LPAR1: variants seen among roughly 807,000 people sequenced by gnomAD.
LPAR1 encodes LPA receptor 1.
A neutral mutation model predicts 23.8 loss-of-function variants in LPAR1; 5 were observed. The ratio of observed to expected loss-of-function variants is 0.21; its 90% CI spans 0.11 to 0.44. LPAR1 has a LOEUF of 0.44. LPAR1 is among the 20% of genes least tolerant of loss of function. The pLI, the probability that LPAR1 is intolerant of heterozygous loss-of-function variation, is 0.99. For synonymous variants in LPAR1, 160 were observed against 164.7 expected (o/e 0.97, Z 0.22); for missense variants, 311 against 482.8 (o/e 0.64, Z 3.33).
intron 2 of LPAR1, among the ~76,000 whole-genome samples, chr9:110,990,977 T>C (rs2096882400): frequency 6.6e-6 from 1 of 152,116 alleles, no homozygotes; most frequent in Admixed American, 6.5e-5. Flanking sequence ...AAATATGAAG[T>C]CACAATTTTA....
chr9:110,957,350 A>ATAAT (rs55733243), intron 4 of LPAR1, among the ~76,000 whole-genome samples: 13,808 of 147,610 alleles, frequency 0.094, 850 homozygotes, highest in Admixed American at 0.16. Flanking sequence ...AAAAAAAAAA[A>ATAAT]AATAATAATA....
chr9:110,977,025 C>T lies in LPAR1; in HGVS notation c.-181-3467G>A, dbSNP rs1037448895. On this transcript the variant is annotated intron_variant, in intron 2 of 5. Transcript: ENST00000683809. ...GAATATCCTGAATCAGCCCTGGAAA[C>T]TATAAATAGATCTTAAACGTTCAGA... 1.1e-4 allele frequency among the ~76,000 whole-genome samples: 13 copies of T among 119,674 alleles called. 1 individual carries two copies. The highest frequency in any genetic ancestry group is 3.1e-4 in the African/African-American group (12 of 39,096). 78.5% of individuals were successfully genotyped at this position (119,674 alleles called of 152,430 possible).
At chr9:110,932,889 G>C (rs1477566473) in intron 5 of LPAR1, among the ~76,000 whole-genome samples, 3 of 152,174 alleles carry the variant, frequency 2.0e-5, no homozygotes, top group African/African-American at 7.2e-5. Context: ...AAAAGGTTGG[G>C]GACCACTGCC....
At chr9:110,916,072 T>C (rs1208381666) in intron 5 of LPAR1, among the ~76,000 whole-genome samples, 2 of 152,238 alleles carry the variant, frequency 1.3e-5, no homozygotes, top group African/African-American at 4.8e-5. Flanking sequence ...ATCAATTATA[T>C]AATACTACTA....
chr9:110,892,399 C>T (rs969220770), intron 5 of LPAR1, among the ~76,000 whole-genome samples: 1 of 152,134 alleles, frequency 6.6e-6, no homozygotes, highest in African/African-American at 2.4e-5. Context: ...GGCACGGTGG[C>T]TCATGCCTAT....
At chr9:111,009,030 GA>G (rs1430396492) in intron 2 of LPAR1, among the ~76,000 whole-genome samples, 1 of 151,972 alleles carries the variant, frequency 6.6e-6, no homozygotes, top group Non-Finnish European at 1.5e-5. Context: ...AGTCGAAGCA[GA>G]CTTACAAAGT....
At chr9:110,892,780 G>A (rs2084761732) in intron 5 of LPAR1, among the ~76,000 whole-genome samples, 1 of 51,060 alleles carries the variant, frequency 2.0e-5, no homozygotes, top group African/African-American at 7.6e-5. Context: ...AAGGAAGGAA[G>A]GAAGGAAGGA....
intron 2 of LPAR1, among the ~76,000 whole-genome samples, chr9:111,025,766 G>T (rs1402197163): frequency 6.6e-6 from 1 of 152,034 alleles, no homozygotes; most frequent in Non-Finnish European, 1.5e-5. Flanking sequence ...TCTACATATG[G>T]CTAGCCAGTT....
intron 5 of LPAR1, among the ~76,000 whole-genome samples, chr9:110,926,078 G>A (rs1012161928): frequency 3.9e-5 from 6 of 152,122 alleles, no homozygotes; most frequent in Admixed American, 1.3e-4. Context: ...CTGCCACTGC[G>A]CCCGGCTAAT....
At chr9:111,012,986 AGC>A (rs1245988333) in intron 2 of LPAR1, among the ~76,000 whole-genome samples, 7 of 151,016 alleles carry the variant, frequency 4.6e-5, no homozygotes, top group Non-Finnish European at 2.9e-5. Flanking sequence ...GTTAATGTTA[AGC>A]TTTACGTGAT....
chr9:111,023,694 C>G (rs1210231343), intron 2 of LPAR1, among the ~76,000 whole-genome samples: 1 of 152,142 alleles, frequency 6.6e-6, no homozygotes, highest in Non-Finnish European at 1.5e-5. Flanking sequence ...CAGCAACAGA[C>G]TAGATCAGTG....
intron 2 of LPAR1, among the ~76,000 whole-genome samples, chr9:111,022,717 A>T (rs973007241): frequency 6.6e-6 from 1 of 152,182 alleles, no homozygotes; most frequent in African/African-American, 2.4e-5. Flanking sequence ...CATATCGAAC[A>T]CAACTTTGTA....
intron 2 of LPAR1, among the ~76,000 whole-genome samples, chr9:110,988,489 A>T (rs1353817103): frequency 6.6e-6 from 1 of 152,198 alleles, no homozygotes; most frequent in Non-Finnish European, 1.5e-5. Context: ...TAAAATGATT[A>T]AATATCTGAA....
intron 5 of LPAR1, chr9:110,934,285 T>G (rs2094559050): frequency 6.6e-6 from 1 of 152,302 alleles, no homozygotes; most frequent in Admixed American, 6.5e-5. Context: ...TCCTGCCACA[T>G]GGCTCTCCCA....
rs147021203 is a variant in LPAR1, at chr9:110,993,497, G to A, written c.-181-19939C>T. Among the ~76,000 whole-genome samples the A allele has an allele frequency of 3.0e-4, 45 of 152,274 alleles. No individual in the cohort carries two copies. In the East Asian group the frequency reaches 7.1e-3, roughly 24 times the overall value. ...CGCAGAGTGTCAGAGTCTAAGTGAG[G>A]TGAAGAGGATGTCCCCATGGGAAGG... is the stretch of plus-strand genomic sequence containing the variant. On this transcript the variant is annotated intron_variant, in intron 2 of 5. Transcript: ENST00000683809.
intron 2 of LPAR1, among the ~76,000 whole-genome samples, chr9:110,998,893 CA>C (rs1338997491): frequency 2.0e-5 from 3 of 152,126 alleles, no homozygotes; most frequent in Admixed American, 6.5e-5. Context: ...ATCATAGATT[CA>C]AAAGAAGGCA....
intron 5 of LPAR1, among the ~76,000 whole-genome samples, chr9:110,934,170 C>T (rs2094552660): frequency 6.6e-6 from 1 of 152,180 alleles, no homozygotes; most frequent in African/African-American, 2.4e-5. Context: ...TTTAGTTCCC[C>T]TTCAGAGTAA....
At chr9:110,931,893 G>A (rs559378261) in intron 5 of LPAR1, among the ~76,000 whole-genome samples, 87 of 152,148 alleles carry the variant, frequency 5.7e-4, no homozygotes, top group Admixed American at 1.4e-3. Flanking sequence ...CTCTGTTTTG[G>A]TACCAGTACC....
At chr9:111,038,580 C>A (rs1262480062), upstream of LPAR1, 1 of 451,810 alleles carries the variant, frequency 2.2e-6, no homozygotes, top group African/African-American at 2.0e-5. This position sits in a 1 kb window ranked among gnomAD's most constrained non-coding sequence, Gnocchi z 4.4. Flanking sequence ...TCTGCTTGTT[C>A]CACGTAGCAC....
Sources: gnomAD v4.1 joint callset for allele counts (sites outside exome capture counted in the v4.1 genomes callset) on GRCh38, gnomAD v4.1.1 for gene constraint, Gnocchi (gnomAD v3.1) non-coding constraint, MANE v1.5 for transcripts, NCBI Gene and HGNC (gene_info 2026-07-23, HGNC 2026-07-21) for gene names.